GSDME: variants seen among roughly 807,000 people sequenced by gnomAD.
The protein encoded by GSDME is gasdermin-E.
In GSDME, 44 loss-of-function variants were observed where a neutral mutation model predicts 47.5. The observed-to-expected ratio is 0.93, with a 90% confidence interval of 0.73 to 1.19. The LOEUF (loss-of-function observed/expected upper bound fraction) is 1.19. Ranked by LOEUF, GSDME falls within the 50% of genes most tolerant of loss-of-function variation. The pLI is 0.00. For synonymous variants in GSDME, 258 were observed against 252.8 expected, an observed-to-expected ratio of 1.02 and a Z score of -0.20; for missense variants, 663 against 604.2, an observed-to-expected ratio of 1.10 and a Z score of -1.02.
chr7:24,785,541 C>T, the GSDME span, among the ~76,000 whole-genome samples: 3 of 152,278 alleles, frequency 2.0e-5, no homozygotes, highest in Admixed American at 1.3e-4. Context: ...CTGCAACCTC[C>T]ACCTCATGGG....
the GSDME span, among the ~76,000 whole-genome samples, chr7:24,786,820 T>G: frequency 6.6e-6 from 1 of 152,218 alleles, no homozygotes; most frequent in Non-Finnish European, 1.5e-5. The surrounding 1 kb of genome is among the most constrained non-coding windows in gnomAD (Gnocchi z 5.5). Flanking sequence ...TTTATGTATA[T>G]TTCATCACAA....
chr7:24,708,054 A>G, intron 7 of GSDME, 73 bp downstream of exon 7: 10 of 1,594,964 alleles, frequency 6.3e-6, no homozygotes, highest in Non-Finnish European at 7.7e-6. Context: ...CTTTAACACA[A>G]TTCCATCCTG....
chr7:24,749,678 G>A lies in GSDME; in HGVS notation c.97C>T (p.Leu33Phe). The change falls in exon 2 of 10, where the codon CTT becomes TTT. Residue 33 changes from leucine to phenylalanine, a missense_variant. Transcript: ENST00000645220. ...TTCTTTTTTGTCACCAGACTTAGAA[G>A]CTGTAACTTATCAGAGTCATTCAGA... ...SNLNDSDKLQLLSLVTKKKRF... is the reference protein window; with the variant it reads ...SNLNDSDKLQFLSLVTKKKRF... The A allele has an allele frequency of 6.2e-7, 1 of 1,614,090 alleles. No homozygotes were observed. Among genetic ancestry groups the A allele is most frequent in the Non-Finnish European group, 8.5e-7 (1 of 1,179,980 alleles).
At chr7:24,711,607 G>A (rs1258965020) in intron 5 of GSDME, among the ~76,000 whole-genome samples, 1 of 152,064 alleles carries the variant, frequency 6.6e-6, no homozygotes, top group Non-Finnish European at 1.5e-5. Flanking sequence ...GATTGCTTGA[G>A]CCCAGGAGTT....
intron 7 of GSDME, chr7:24,707,292 A>C (rs745924273): frequency 2.1e-6 from 1 of 469,474 alleles, no homozygotes; most frequent in South Asian, 1.6e-5. Context: ...AGTCAAAATC[A>C]GGTTTATAAA....
the GSDME span, among the ~76,000 whole-genome samples, chr7:24,781,920 G>T: frequency 9.2e-5 from 14 of 151,852 alleles, no homozygotes; most frequent in Middle Eastern, 3.4e-3. Flanking sequence ...ATTATTTTTT[G>T]TTTTCTGTAG....
At chr7:24,713,673 C>G (rs561240238) in intron 5 of GSDME, among the ~76,000 whole-genome samples, 1 of 152,324 alleles carries the variant, frequency 6.6e-6, no homozygotes, top group South Asian at 2.1e-4. Context: ...TAAGGCGTGA[C>G]ATGGTGCAGA....
At chr7:24,706,439 C>G (rs1789109508) in intron 7 of GSDME, 63 bp from the exon 8 acceptor site, 1 of 1,528,874 alleles carries the variant, frequency 6.5e-7, no homozygotes, top group Non-Finnish European at 8.9e-7. Flanking sequence ...CAGCTGGGGC[C>G]TCCGCTCACA....
chr7:24,731,121 C>G (rs2237322), intron 3 of GSDME, among the ~76,000 whole-genome samples: 68,216 of 152,082 alleles, frequency 0.45, 16,799 homozygotes, highest in East Asian at 0.83. Context: ...GAGTGGATTT[C>G]GTGGGGCCTT....
At chr7:24,741,824 GTAACAAGAATGT>G (rs57808494) in intron 3 of GSDME, among the ~76,000 whole-genome samples, 3,887 of 152,198 alleles carry the variant, frequency 0.026, 171 homozygotes, top group African/African-American at 0.089. Flanking sequence ...CCAGCATGAC[GTAACAAGAATGT>G]TAGCTTTACT....
intron 3 of GSDME, among the ~76,000 whole-genome samples, chr7:24,731,195 A>C (rs1467828802): frequency 1.3e-5 from 2 of 152,226 alleles, no homozygotes; most frequent in African/African-American, 4.8e-5. Flanking sequence ...TGAAGGTCTT[A>C]CTGACATTGC....
intron 1 of GSDME, among the ~76,000 whole-genome samples, chr7:24,752,572 A>G (rs1463271914): frequency 2.0e-5 from 3 of 152,204 alleles, no homozygotes; most frequent in Non-Finnish European, 4.4e-5. Flanking sequence ...CTGGGGTGTC[A>G]TGCTGGTATC....
rs3038356 is a variant in GSDME, at chr7:24,744,923, CGTGTGTGTGT to C, written c.212-179_212-170del. ...GTGTGGGCAAGAAAACAGGGCAGCA[CGTGTGTGTGT>C]GTGTGTGTGTGTGTGTGTGGACCGC... On this transcript the variant is annotated intron_variant, in intron 2 of 9. Coordinates refer to ENST00000645220, the MANE Select transcript of GSDME (RefSeq NM_001127453.2). This position sits in a 1 kb window ranked among gnomAD's most constrained non-coding sequence, Gnocchi z 4.5. 3.6e-5 allele frequency among the ~76,000 whole-genome samples: 5 copies of C among 140,110 alleles called. No homozygotes were observed. Among genetic ancestry groups the C allele is most frequent in the Non-Finnish European group, 7.7e-5 (5 of 65,076 alleles). The allele number at this position is 140,110 out of a possible 152,430, so 91.9% of individuals were successfully genotyped here.
chr7:24,763,487 T>A, the GSDME span, among the ~76,000 whole-genome samples: 1 of 151,914 alleles, frequency 6.6e-6, no homozygotes, highest in African/African-American at 2.4e-5. The surrounding 1 kb of genome is among the most constrained non-coding windows in gnomAD (Gnocchi z 4.3). Context: ...CAGGCAGGCG[T>A]GTAGACAGCA....
At position 24,716,659 on chromosome 7, in the gene GSDME, G is replaced by A. The variant is rs1308204346; in HGVS notation, c.697+595C>T. 7 of 162,654 alleles carry A rather than the reference G, an allele frequency of 4.3e-5. No individual in the cohort carries two copies. Among genetic ancestry groups the A allele is most frequent in the East Asian group, 3.4e-4 (2 of 5,950 alleles). 10.1% of individuals were successfully genotyped at this position (162,654 alleles called of 1,614,324 possible). On this transcript the variant is annotated intron_variant, in intron 5 of 9. Transcript: ENST00000645220. This position sits in a 1 kb window ranked among gnomAD's most constrained non-coding sequence, Gnocchi z 4.5. ...GGGTCTCTGCGCTTTGAACACACTC[G>A]TGATCAGCAGAGGAAAGTCAAGTTC...
chr7:24,747,063 C>T (rs761372592), intron 2 of GSDME, among the ~76,000 whole-genome samples: 1 of 152,238 alleles, frequency 6.6e-6, no homozygotes, highest in Non-Finnish European at 1.5e-5. Context: ...CTCACCAATC[C>T]AGCACAAGTC....
At chr7:24,708,392 T>TC in intron 6 of GSDME, 138 bp from the exon 7 acceptor site, 1 of 1,075,444 alleles carries the variant, frequency 9.3e-7, no homozygotes, top group Non-Finnish European at 1.4e-6. Context: ...GTCATGGAAC[T>TC]CAGAAATAAA....
At chr7:24,708,367 C>G in intron 6 of GSDME, 113 bp from the exon 7 acceptor site, 3 of 1,276,414 alleles carry the variant, frequency 2.4e-6, no homozygotes, top group Non-Finnish European at 3.3e-6. Flanking sequence ...ATGGATATTC[C>G]CAGCTGCATA....
the GSDME span, among the ~76,000 whole-genome samples, chr7:24,790,592 G>C: frequency 1.3e-5 from 2 of 152,194 alleles, no homozygotes; most frequent in Non-Finnish European, 2.9e-5. The surrounding 1 kb of genome is among the most constrained non-coding windows in gnomAD (Gnocchi z 4.1). Flanking sequence ...TCCAGTCCCG[G>C]TGGGACTCCA....
Sources: gnomAD v4.1 joint callset for allele counts (sites outside exome capture counted in the v4.1 genomes callset) on GRCh38, gnomAD v4.1.1 for gene constraint, Gnocchi (gnomAD v3.1) non-coding constraint, MANE v1.5 for transcripts, NCBI Gene and HGNC (gene_info 2026-07-23, HGNC 2026-07-21) for gene names.